The following CLCN3 variants were observed in gnomAD, a reference collection of about 807,000 sequenced individuals.
The protein encoded by CLCN3 is Cl-/H+ antiporter 3.
Under a neutral mutation model 83.4 loss-of-function variants are expected in CLCN3, and 16 were observed. That is an observed-to-expected ratio of 0.19 (90% confidence interval 0.13 to 0.29). The LOEUF (loss-of-function observed/expected upper bound fraction) is 0.29, where lower values mean the gene tolerates loss of function less well. Among genes scored for constraint, CLCN3 ranks in the 10% least tolerant of loss-of-function variants. CLCN3 has a pLI of 1.00. For synonymous variants in CLCN3, 322 were observed against 346.2 expected, an observed-to-expected ratio of 0.93 and a Z score of 0.78; for missense variants, 544 against 1,006.0, an observed-to-expected ratio of 0.54 and a Z score of 6.21.
intron 1 of CLCN3, among the ~76,000 whole-genome samples, chr4:169,623,214 T>C (rs187595142): frequency 4.2e-4 from 64 of 152,374 alleles, no homozygotes; most frequent in Admixed American, 1.8e-3. Flanking sequence ...TCAAAGTTTC[T>C]GTCTTCCACA....
chr4:169,684,538 ATAATCC>A (rs562121370), intron 3 of CLCN3, among the ~76,000 whole-genome samples: 61 of 152,278 alleles, frequency 4.0e-4, no homozygotes, highest in African/African-American at 1.5e-3. Flanking sequence ...ATGTCCTTAG[ATAATCC>A]TAATCCTAAT....
chr4:169,690,313 T>C (rs1483721437), intron 5 of CLCN3, among the ~76,000 whole-genome samples: 1 of 151,986 alleles, frequency 6.6e-6, no homozygotes, highest in Admixed American at 6.6e-5. Context: ...GCCCAGCTAA[T>C]TTTTGTATTT....
At position 169,689,247 on chromosome 4, in the gene CLCN3, C is replaced by T; in HGVS notation, c.606+17C>T. 1 of 1,591,238 alleles carries T rather than the reference C, an allele frequency of 6.3e-7. No individual in the cohort carries two copies. Among genetic ancestry groups the T allele is most frequent in the South Asian group, 1.1e-5 (1 of 88,208 alleles). On this transcript the variant is annotated intron_variant, in intron 5 of 12. Transcript: ENST00000513761. ...CAAGCAGAGGTAAGTCTTGCTTTGT[C>T]TCAAGATGAATTAATAATTGATATA...
At chr4:169,683,168 A>G (rs1204566018) in intron 3 of CLCN3, among the ~76,000 whole-genome samples, 1 of 152,188 alleles carries the variant, frequency 6.6e-6, no homozygotes, top group Non-Finnish European at 1.5e-5. Context: ...CCATGACACT[A>G]TGTTCATAAA....
Position 169,672,218 on chromosome 4 carries a change from AATG to A in CLCN3, c.161-7829_161-7827del, listed in dbSNP as rs796283613. On this transcript the variant is annotated intron_variant, in intron 2 of 12. Coordinates refer to ENST00000513761, the MANE Select transcript of CLCN3 (RefSeq NM_001829.4). Reference sequence around the variant, plus strand: ...CAGAGCGAGTCTCCATCTCAAAATAAATGATAGATAGATAGATAGATAGATAGA... The same window carrying A: ...CAGAGCGAGTCTCCATCTCAAAATAAATAGATAGATAGATAGATAGATAGA... Among the ~76,000 whole-genome samples, 1,244 of 131,358 alleles carry A rather than the reference AATG, an allele frequency of 9.5e-3. 34 individuals are homozygous for A. Among genetic ancestry groups the A allele is most frequent in the African/African-American group, 0.037 (1,186 of 32,458 alleles). The allele number at this position is 131,358 out of a possible 152,430, so 86.2% of individuals were successfully genotyped here.
At chr4:169,672,685 A>G (rs182949694) in intron 2 of CLCN3, among the ~76,000 whole-genome samples, 1 of 152,180 alleles carries the variant, frequency 6.6e-6, no homozygotes, top group Admixed American at 6.5e-5. Flanking sequence ...TTTGTTTGAG[A>G]TGGAGTCTTG....
At position 169,698,365 on chromosome 4, in the gene CLCN3, A is replaced by G. The variant is rs76264227; in HGVS notation, c.1563+631A>G. On this transcript the variant is annotated intron_variant, in intron 9 of 12. Transcript: ENST00000513761. ...TCAGACACCTGGGCTCCTGGGATCAATCACGCATACTGTGTCTCTTGTGCT... is the reference window on the plus strand; with the variant it reads ...TCAGACACCTGGGCTCCTGGGATCAGTCACGCATACTGTGTCTCTTGTGCT... 7.3e-4 allele frequency among the ~76,000 whole-genome samples: 111 copies of G among 152,266 alleles called. 1 individual carries two copies. The East Asian group carries it at 0.019, about 27-fold the overall frequency.
intron 8 of CLCN3, among the ~76,000 whole-genome samples, chr4:169,696,015 C>G (rs1355277413): frequency 6.6e-6 from 1 of 151,946 alleles, no homozygotes; most frequent in African/African-American, 2.4e-5. Flanking sequence ...TGGCTAAATT[C>G]TGTATTTTTA....
intron 2 of CLCN3, among the ~76,000 whole-genome samples, chr4:169,660,676 G>C (rs543112403): frequency 6.6e-6 from 1 of 152,264 alleles, no homozygotes; most frequent in South Asian, 2.1e-4. Context: ...GTCGGGCTCC[G>C]ACTCCATCTT....
At chr4:169,636,218 T>TA (rs1773497858) in intron 2 of CLCN3, 130 bp downstream of exon 2, 2 of 790,420 alleles carry the variant, frequency 2.5e-6, no homozygotes, top group Admixed American at 5.7e-5. Flanking sequence ...AACATAAACT[T>TA]AACCATTGTA....
chr4:169,635,839 C>T (rs1773487144), intron 1 of CLCN3, 74 bp from the exon 2 acceptor site: 1 of 1,232,890 alleles, frequency 8.1e-7, no homozygotes, highest in Non-Finnish European at 1.1e-6. Context: ...CATAACTTTC[C>T]TTTTGTGATG....
At chr4:169,719,543 A>T (rs1317264002) in intron 12 of CLCN3, among the ~76,000 whole-genome samples, 1 of 152,240 alleles carries the variant, frequency 6.6e-6, no homozygotes, top group Non-Finnish European at 1.5e-5. Context: ...TCTTCATGTG[A>T]TGGAAATCAA....
chr4:169,700,483 C>A (rs1287991423), intron 9 of CLCN3, among the ~76,000 whole-genome samples: 1 of 152,116 alleles, frequency 6.6e-6, no homozygotes, highest in Non-Finnish European at 1.5e-5. Context: ...GTCTGGAACT[C>A]CTGACCTCAG....
Position 169,672,169 on chromosome 4 carries a change from G to A in CLCN3, c.161-7881G>A, listed in dbSNP as rs113143205. 6.4e-3 allele frequency among the ~76,000 whole-genome samples: 977 copies of A among 151,708 alleles called. 12 individuals are homozygous for A. The highest frequency in any genetic ancestry group is 0.023 in the African/African-American group (940 of 41,312). ...AGAGCTTGCAGTGAGCCGAGATCGC[G>A]CCACTGCACTCCAGCCTGGGTGACA... On this transcript the variant is annotated intron_variant, in intron 2 of 12. Coordinates refer to ENST00000513761, the MANE Select transcript of CLCN3 (RefSeq NM_001829.4).
chr4:169,702,811 GGTGGT>G (rs2150262007), intron 9 of CLCN3: 1 of 305,956 alleles, frequency 3.3e-6, no homozygotes, highest in South Asian at 2.9e-5. Flanking sequence ...AGCCAGGTGT[GGTGGT>G]GCACGCCTGT....
Position 169,694,386 on chromosome 4 carries a change from A to G in CLCN3, c.937-1226A>G, listed in dbSNP as rs372146328. ...ACAGCTAGTAAGTAGCAGAGCCATG[A>G]TTTCAACACAGCAGCCTGACTATGG... On this transcript the variant is annotated intron_variant, in intron 7 of 12. Transcript: ENST00000513761. 2.9e-3 allele frequency among the ~76,000 whole-genome samples: 449 copies of G among 152,288 alleles called. 3 individuals carry two copies. The highest frequency in any genetic ancestry group is 0.01 in the African/African-American group (428 of 41,548).
intron 6 of CLCN3, 123 bp downstream of exon 6, chr4:169,690,775 A>G (rs1732336905): frequency 1.1e-6 from 1 of 870,720 alleles, no homozygotes; most frequent in Admixed American, 3.2e-5. Flanking sequence ...ATGAAAAAAA[A>G]ATTTTTTTAA....
intron 2 of CLCN3, among the ~76,000 whole-genome samples, chr4:169,679,173 A>G (rs1401993940): frequency 6.7e-6 from 1 of 149,180 alleles, no homozygotes; most frequent in African/African-American, 2.5e-5. Flanking sequence ...CACCTCCCAG[A>G]CAGGGTGGCG....
At chr4:169,656,814 C>T (rs1367589338) in intron 2 of CLCN3, among the ~76,000 whole-genome samples, 1 of 152,110 alleles carries the variant, frequency 6.6e-6, no homozygotes, top group Non-Finnish European at 1.5e-5. Flanking sequence ...GTGGCACACA[C>T]GTGTGTATTC....
Sources: gnomAD v4.1 joint callset for allele counts (sites outside exome capture counted in the v4.1 genomes callset) on GRCh38, gnomAD v4.1.1 for gene constraint, MANE v1.5 for transcripts, NCBI Gene and HGNC (gene_info 2026-07-23, HGNC 2026-07-21) for gene names.